PER3: variants seen among roughly 807,000 people sequenced by gnomAD.
The protein encoded by PER3 is period circadian protein homolog 3.
In PER3, 107 loss-of-function variants were observed where a neutral mutation model predicts 127.2. The ratio of observed to expected loss-of-function variants is 0.84; its 90% CI spans 0.72 to 0.99. The LOEUF (loss-of-function observed/expected upper bound fraction) is 0.99, where lower values mean the gene tolerates loss of function less well. PER3 is among the 50% of genes least tolerant of loss of function. The probability of loss-of-function intolerance (pLI) is 0.00; values close to 1 mark genes in which losing one functional copy is unlikely to be tolerated. For synonymous variants in PER3, 618 were observed against 585.8 expected (o/e 1.05, Z -0.79); for missense variants, 1,560 against 1,525.8 (o/e 1.02, Z -0.37).
rs761575985 is a variant in PER3 at position 7,835,769 on chromosome 1, C to T, written c.3222C>T (p.Ser1074=). ...GTTGTTGATTTTTGACAGGAAGCAG[C>T]GACAGCAGTATATACCTTACTAGTA... ...SRTGSAASGS[S]DSSIYLTSSV... The change falls in exon 20 of 22, where the codon AGC becomes AGT. Residue 1074 remains serine, a synonymous_variant. Transcript: ENST00000377532. The T allele has an allele frequency of 2.7e-5, 44 of 1,600,672 alleles. No homozygotes were observed. The highest frequency in any genetic ancestry group is 1.0e-4 in the Admixed American group (6 of 58,162).
chr1:7,824,612 T>C (rs746226613), intron 16 of PER3, among the ~76,000 whole-genome samples: 11 of 152,274 alleles, frequency 7.2e-5, no homozygotes, highest in Non-Finnish European at 1.3e-4. Context: ...GTACCAAATA[T>C]ATTTGTATTC....
At position 7,786,809 on chromosome 1, in the gene PER3, C is replaced by G. The variant is rs1247037123; in HGVS notation, c.363C>G (p.Ile121Met). The part of the protein sequence containing the change: ...SMYSLEELAT[I>M]ASEHTSKNTD... ...ACAGTCTTGAGGAGCTGGCCACTAT[C>G]GCTTCAGAACACACTTCCAAAAACA... is the stretch of plus-strand genomic sequence containing the variant. Residue 121 changes from isoleucine (I) to methionine (M), a missense_variant, in exon 4 of 22, where the codon ATC becomes ATG. Around this residue, in one of 3 missense-constraint regions of PER3, gnomAD observed 1,332 missense variants for 1,223.6 expected, o/e 1.09. Transcript: ENST00000377532. 2.5e-6 allele frequency: 4 copies of G among 1,603,522 alleles called. No homozygotes were observed. Among genetic ancestry groups the G allele is most frequent in the Admixed American group, 1.7e-5 (1 of 59,990 alleles).
chr1:7,799,845 T>G (rs1380169755), intron 7 of PER3, among the ~76,000 whole-genome samples: 1 of 151,438 alleles, frequency 6.6e-6, no homozygotes, highest in East Asian at 2.0e-4. Context: ...CATGGCTCAT[T>G]GCAGCCTCAG....
chr1:7,798,728 A>G (rs1272315237), intron 7 of PER3, 55 bp downstream of exon 7: 4 of 1,466,062 alleles, frequency 2.7e-6, no homozygotes, highest in Non-Finnish European at 2.9e-6. Flanking sequence ...AACATGGGAA[A>G]GTCTGTTTAC....
intron 6 of PER3, among the ~76,000 whole-genome samples, chr1:7,794,898 T>C (rs1376265006): frequency 1.3e-5 from 2 of 151,102 alleles, no homozygotes; most frequent in African/African-American, 2.4e-5. Flanking sequence ...TTATATATTA[T>C]GTATATAAGA....
intron 16 of PER3, 140 bp downstream of exon 16, chr1:7,820,780 G>A (rs2097273088): frequency 4.6e-6 from 3 of 648,506 alleles, no homozygotes; most frequent in Non-Finnish European, 7.8e-6. Context: ...TTCAGTTAAA[G>A]TATTTCTGGA....
At chr1:7,806,812 A>AAAAAAAAAAAAAAAAATAG (rs61141023) in intron 10 of PER3, among the ~76,000 whole-genome samples, 1 of 60,632 alleles carries the variant, frequency 1.6e-5, no homozygotes, top group Non-Finnish European at 2.9e-5. Flanking sequence ...AAAAAAAAAA[A>AAAAAAAAAAAAAAAAATAG]ATATATATAT....
intron 19 of PER3, among the ~76,000 whole-genome samples, chr1:7,832,101 T>G (rs557379375): frequency 1.3e-5 from 2 of 152,248 alleles, no homozygotes; most frequent in East Asian, 3.9e-4. Context: ...TTCTTAGTGA[T>G]CTTTGGTAAT....
intron 13 of PER3, 46 bp downstream of exon 13, chr1:7,810,634 C>G (rs1246627821): frequency 6.4e-7 from 1 of 1,561,290 alleles, no homozygotes; most frequent in Non-Finnish European, 8.7e-7. Flanking sequence ...TGGGCTGTCA[C>G]TCTCTGCATA....
intron 21 of PER3, among the ~76,000 whole-genome samples, chr1:7,838,646 C>T (rs918940415): frequency 4.6e-5 from 7 of 152,172 alleles, no homozygotes; most frequent in Admixed American, 1.3e-4. Flanking sequence ...GTAATCTGCC[C>T]GCCTCAGCCT....
intron 7 of PER3, 98 bp from the exon 8 acceptor site, chr1:7,801,015 A>G (rs1199870506): frequency 5.3e-6 from 4 of 756,842 alleles, no homozygotes; most frequent in Non-Finnish European, 9.2e-6. Context: ...ACCATTTCAT[A>G]TAGATTTTGT....
intron 11 of PER3, 44 bp from the exon 12 acceptor site, chr1:7,809,849 T>TG (rs1352657563): frequency 6.3e-7 from 1 of 1,596,652 alleles, no homozygotes; most frequent in African/African-American, 1.3e-5. Context: ...TGGCTGCATT[T>TG]GAACAGCCAG....
At chr1:7,829,362 A>G (rs1387370063) in intron 18 of PER3, among the ~76,000 whole-genome samples, 1 of 152,252 alleles carries the variant, frequency 6.6e-6, no homozygotes, top group Admixed American at 6.5e-5. Flanking sequence ...CTAAAATTGT[A>G]GCACTCTCAG....
chr1:7,812,349 G>A (rs749744569), intron 13 of PER3, among the ~76,000 whole-genome samples: 4 of 151,094 alleles, frequency 2.6e-5, no homozygotes, highest in Non-Finnish European at 5.9e-5. Context: ...GCAGGTGGCC[G>A]GGTGCAGTGG....
intron 5 of PER3, among the ~76,000 whole-genome samples, chr1:7,791,341 C>A (rs931821906): frequency 3.3e-5 from 5 of 152,252 alleles, no homozygotes; most frequent in African/African-American, 1.2e-4. Flanking sequence ...AGGGCTTGCA[C>A]CCTCTGAAGC....
chr1:7,786,834 A>C lies in PER3; in HGVS notation c.388A>C (p.Thr130Pro). Residue 130 changes from threonine to proline, a missense_variant and splice_region_variant, in exon 4 of 22, where the codon ACA becomes CCA. By Grantham distance (38) the Thr-to-Pro change is conservative. Around this residue, in one of 3 missense-constraint regions of PER3, gnomAD observed 1,332 missense variants for 1,223.6 expected, o/e 1.09. Transcript: ENST00000377532. ...TIASEHTSKNTDTFVAVFSFL... is the reference protein window; with the variant it reads ...TIASEHTSKNPDTFVAVFSFL... ...CGCTTCAGAACACACTTCCAAAAAC[A>C]CAGTAAGAATTCATGCATTTTGCCA... 1 of 1,565,688 alleles carries C rather than the reference A, an allele frequency of 6.4e-7. No individual in the cohort carries two copies. The highest frequency in any genetic ancestry group is 8.8e-7 in the Non-Finnish European group (1 of 1,135,866).
At chr1:7,795,431 G>A (rs2097140885) in intron 6 of PER3, among the ~76,000 whole-genome samples, 1 of 152,224 alleles carries the variant, frequency 6.6e-6, no homozygotes, top group African/African-American at 2.4e-5. Context: ...GCGGGAGATT[G>A]CCGTTGTATT....
At chr1:7,815,384 G>A (rs548198630) in intron 13 of PER3, among the ~76,000 whole-genome samples, 1 of 152,264 alleles carries the variant, frequency 6.6e-6, no homozygotes, top group South Asian at 2.1e-4. Flanking sequence ...GAGTAGAAAA[G>A]ATATACCATG....
intron 4 of PER3, among the ~76,000 whole-genome samples, 195 bp downstream of exon 4, chr1:7,787,031 G>A (rs567445977): frequency 2.8e-4 from 43 of 152,316 alleles, no homozygotes; most frequent in African/African-American, 8.7e-4. Flanking sequence ...GAAGCAGCCC[G>A]TTCTGTGTGC....
Sources: allele counts gnomAD v4.1 joint callset (sites outside exome capture counted in the v4.1 genomes callset), GRCh38; gene constraint gnomAD v4.1.1; regional missense constraint gnomAD v4.1.1; transcripts MANE v1.5; gene names NCBI Gene and HGNC (gene_info 2026-07-23, HGNC 2026-07-21).